The following PDGFD variants were observed in gnomAD, a reference collection of about 807,000 sequenced individuals.
The protein encoded by PDGFD is platelet derived growth factor D, also known as platelet-derived growth factor D.
In PDGFD, 30 loss-of-function variants were observed where a neutral mutation model predicts 44.7. That is an observed-to-expected ratio of 0.67 (90% confidence interval 0.50 to 0.91). PDGFD has a LOEUF of 0.91. Ranked by LOEUF, PDGFD falls within the 40% of genes least tolerant of loss-of-function variation. The probability of loss-of-function intolerance (pLI) is 0.00; values close to 1 mark genes in which losing one functional copy is unlikely to be tolerated. For synonymous variants in PDGFD, 173 were observed against 168.4 expected (o/e 1.03, Z -0.21); for missense variants, 445 against 457.8 (o/e 0.97, Z 0.25).
chr11:103,948,995 C>CTTTTTT (rs10606695), intron 3 of PDGFD, among the ~76,000 whole-genome samples: 2 of 77,048 alleles, frequency 2.6e-5, no homozygotes, highest in Non-Finnish European at 4.6e-5. Context: ...ATTTTAGTCA[C>CTTTTTT]TTTTTTTTTT....
chr11:103,934,727 A>C (rs1858460378), intron 5 of PDGFD, among the ~76,000 whole-genome samples: 1 of 152,190 alleles, frequency 6.6e-6, no homozygotes, highest in African/African-American at 2.4e-5. Flanking sequence ...CTCACTCACT[A>C]TCACAAGAAT....
chr11:104,103,829 A>G (rs1861433313), intron 1 of PDGFD, among the ~76,000 whole-genome samples: 1 of 152,120 alleles, frequency 6.6e-6, no homozygotes, highest in Non-Finnish European at 1.5e-5. Context: ...ATAAATGACT[A>G]TGTAACTGGT....
chr11:104,076,838 C>T (rs146195023), intron 1 of PDGFD, among the ~76,000 whole-genome samples: 10 of 152,248 alleles, frequency 6.6e-5, no homozygotes, highest in East Asian at 1.9e-4. Context: ...GCATATTCAA[C>T]GTGAGGATGA....
At chr11:103,938,302 CAGT>C (rs1858525632) in intron 5 of PDGFD, among the ~76,000 whole-genome samples, 1 of 152,126 alleles carries the variant, frequency 6.6e-6, no homozygotes, top group Non-Finnish European at 1.5e-5. Context: ...CTCTGATGGC[CAGT>C]GATGATGAGT....
chr11:104,020,541 G>A lies in PDGFD; in HGVS notation c.125-20286C>T, dbSNP rs539823627. Among the ~76,000 whole-genome samples the A allele has an allele frequency of 2.0e-4, 30 of 152,186 alleles. No homozygotes were observed. The South Asian group carries it at 6.0e-3, about 31-fold the overall frequency. ...CATATGCATTTTAAATAGGTAACTTGTACACATTAAGGGACATAATAAATG... is the reference window on the plus strand; with the variant it reads ...CATATGCATTTTAAATAGGTAACTTATACACATTAAGGGACATAATAAATG... On this transcript the variant is annotated intron_variant, in intron 1 of 6. Coordinates refer to ENST00000393158, the MANE Select transcript of PDGFD (RefSeq NM_025208.5).
intron 1 of PDGFD, among the ~76,000 whole-genome samples, chr11:104,143,316 T>G (rs1862113608): frequency 6.6e-6 from 1 of 152,200 alleles, no homozygotes; most frequent in Non-Finnish European, 1.5e-5. Flanking sequence ...AACTGCTGTC[T>G]AATATCTATG....
chr11:103,918,035 G>A (rs1347857844), intron 6 of PDGFD, among the ~76,000 whole-genome samples: 1 of 152,188 alleles, frequency 6.6e-6, no homozygotes, highest in African/African-American at 2.4e-5. Context: ...TCAAGTTAGG[G>A]CACTCTGCTG....
chr11:104,124,083 A>G (rs1329726094), intron 1 of PDGFD, among the ~76,000 whole-genome samples: 1 of 152,090 alleles, frequency 6.6e-6, no homozygotes, highest in Non-Finnish European at 1.5e-5. Context: ...TCGATGTAAA[A>G]GTCCAGCTGA....
intron 1 of PDGFD, among the ~76,000 whole-genome samples, chr11:104,103,558 T>C (rs1010697587): frequency 2.0e-5 from 3 of 150,262 alleles, no homozygotes; most frequent in African/African-American, 7.3e-5. Flanking sequence ...AAATATTACA[T>C]GCACACATAT....
chr11:103,918,711 C>T (rs1304131790), intron 6 of PDGFD, among the ~76,000 whole-genome samples: 3 of 152,128 alleles, frequency 2.0e-5, no homozygotes, highest in Non-Finnish European at 4.4e-5. Flanking sequence ...CAGGAGAGCA[C>T]TATTTGAACA....
chr11:103,947,913 A>G (rs571283906), intron 3 of PDGFD, among the ~76,000 whole-genome samples, 189 bp from the exon 4 acceptor site: 1 of 152,204 alleles, frequency 6.6e-6, no homozygotes, highest in Non-Finnish European at 1.5e-5. Context: ...CATTTAAGAC[A>G]TGGACATTTT....
At chr11:104,110,855 C>A (rs1234012062) in intron 1 of PDGFD, among the ~76,000 whole-genome samples, 1 of 151,986 alleles carries the variant, frequency 6.6e-6, no homozygotes, top group African/African-American at 2.4e-5. Context: ...TCAAAAATAA[C>A]TGAAATCTCA....
intron 1 of PDGFD, among the ~76,000 whole-genome samples, chr11:104,072,827 C>T (rs933455744): frequency 2.0e-5 from 3 of 151,950 alleles, no homozygotes; most frequent in African/African-American, 7.2e-5. Flanking sequence ...GTTAGACATA[C>T]ACATTTGCTC....
intron 1 of PDGFD, among the ~76,000 whole-genome samples, chr11:104,101,771 C>T (rs1019411599): frequency 1.7e-4 from 26 of 151,794 alleles, no homozygotes; most frequent in East Asian, 5.8e-4. Context: ...GAAATAATGC[C>T]GCATATCTAC....
rs369482020 is a variant in PDGFD, at chr11:103,926,771, G to A, written c.987+141C>T. 3.5e-5 allele frequency: 29 copies of A among 838,658 alleles called. 1 individual carries two copies. Among genetic ancestry groups the A allele is most frequent in the East Asian group, 1.1e-4 (4 of 37,506 alleles). The allele number at this position is 838,658 out of a possible 1,614,324, so 52.0% of individuals were successfully genotyped here. Reference sequence around the variant, plus strand: ...GGACACTTGGCTTGGCAAACCTAGTGTGGGTAGAATTTCTGCTCCTAATCA... The same window carrying A: ...GGACACTTGGCTTGGCAAACCTAGTATGGGTAGAATTTCTGCTCCTAATCA... On this transcript the variant is annotated intron_variant, in intron 6 of 6. Coordinates refer to ENST00000393158, the MANE Select transcript of PDGFD (RefSeq NM_025208.5).
intron 3 of PDGFD, among the ~76,000 whole-genome samples, chr11:103,953,247 A>AGC (rs1858785645): frequency 6.6e-6 from 1 of 150,402 alleles, no homozygotes; most frequent in African/African-American, 2.4e-5. Context: ...ATCAAAAACA[A>AGC]AAGTAAAACC....
In PDGFD at chr11:103,908,329, A is replaced by T. The variant is rs2134295124; in HGVS notation, c.*1365T>A. On this transcript the variant is annotated 3_prime_UTR_variant, in exon 7 of 7. Transcript: ENST00000393158. The stretch of plus-strand genomic sequence containing the variant: ...GCAGAGAGAAAAAATTACTCTAAAT[A>T]CCATTAACCAATGTAAAACAGTTTT... The T allele has an allele frequency of 6.6e-6, 1 of 152,306 alleles. No homozygotes were observed. Among genetic ancestry groups the T allele is most frequent in the Admixed American group, 6.5e-5 (1 of 15,310 alleles). 9.4% of individuals were successfully genotyped at this position (152,306 alleles called of 1,614,324 possible).
intron 1 of PDGFD, among the ~76,000 whole-genome samples, chr11:104,091,626 C>CTATG (rs1449512669): frequency 6.6e-6 from 1 of 152,202 alleles, no homozygotes; most frequent in Admixed American, 6.5e-5. Context: ...GGTTCCTTAA[C>CTATG]TATGCCCTTC....
chr11:104,037,209 G>A (rs774253494), intron 1 of PDGFD: 12 of 1,613,604 alleles, frequency 7.4e-6, no homozygotes, highest in African/African-American at 1.3e-5. Context: ...AGGGCTTGGC[G>A]TCAGGAGAGA....
Sources: allele counts gnomAD v4.1 joint callset (sites outside exome capture counted in the v4.1 genomes callset), GRCh38; gene constraint gnomAD v4.1.1; transcripts MANE v1.5; gene names NCBI Gene and HGNC (gene_info 2026-07-23, HGNC 2026-07-21).